Variants in FNDC3B observed in about 807,000 individuals in gnomAD.
FNDC3B encodes fibronectin type III domain-containing protein 3B.
A neutral mutation model predicts 151.5 loss-of-function variants in FNDC3B; 12 were observed. That is an observed-to-expected ratio of 0.08 (90% CI 0.05 to 0.13). The LOEUF (loss-of-function observed/expected upper bound fraction) is 0.13. Among genes scored for constraint, FNDC3B ranks in the 10% least tolerant of loss-of-function variants. The pLI, the probability that FNDC3B is intolerant of heterozygous loss-of-function variation, is 1.00. For missense variants in FNDC3B, 1,214 were observed against 1,505.3 expected, an observed-to-expected ratio of 0.81 and a Z score of 3.20; for synonymous variants, 528 against 549.0, an observed-to-expected ratio of 0.96 and a Z score of 0.54.
In FNDC3B at chr3:172,377,295, T is replaced by C. The variant is rs574089239; in HGVS notation, c.3009-975T>C. Among the ~76,000 whole-genome samples the C allele has an allele frequency of 9.8e-5, 15 of 152,354 alleles. No individual in the cohort carries two copies. In the South Asian group the frequency reaches 3.1e-3, roughly 32 times the overall value. ...AAGGCGTTGTGGTTGGATTAACTTATGTAGTGGTTCTCAGCGTGTCCACTG... is the reference window on the plus strand; with the variant it reads ...AAGGCGTTGTGGTTGGATTAACTTACGTAGTGGTTCTCAGCGTGTCCACTG... On this transcript the variant is annotated intron_variant, in intron 23 of 25. Transcript: ENST00000415807.
intron 23 of FNDC3B, among the ~76,000 whole-genome samples, chr3:172,374,905 T>C (rs1735059401): frequency 6.6e-6 from 1 of 152,204 alleles, no homozygotes; most frequent in African/African-American, 2.4e-5. Context: ...TAGAAGAAGT[T>C]TAACTAGAAT....
At chr3:172,284,384 G>T (rs1453177156) in intron 6 of FNDC3B, among the ~76,000 whole-genome samples, 4 of 152,130 alleles carry the variant, frequency 2.6e-5, no homozygotes, top group Non-Finnish European at 5.9e-5. Context: ...GGACCCTGTG[G>T]TGTCTCTGTC....
intron 3 of FNDC3B, among the ~76,000 whole-genome samples, chr3:172,176,662 G>A (rs1723611422): frequency 6.6e-6 from 1 of 152,188 alleles, no homozygotes. Context: ...GGAAAGTGCT[G>A]TAGGAACCCT....
At chr3:172,045,504 A>G (rs961820405) in intron 1 of FNDC3B, among the ~76,000 whole-genome samples, 1 of 152,232 alleles carries the variant, frequency 6.6e-6, no homozygotes, top group African/African-American at 2.4e-5. Context: ...ATGTTACCTT[A>G]GCCTATTACT....
At chr3:172,296,743 C>T (rs1030997696) in intron 8 of FNDC3B, among the ~76,000 whole-genome samples, 1 of 152,184 alleles carries the variant, frequency 6.6e-6, no homozygotes, top group African/African-American at 2.4e-5. Context: ...ATGCAATTGA[C>T]CCTTGAACAA....
At chr3:172,374,015 T>C (rs1735003878) in intron 23 of FNDC3B, among the ~76,000 whole-genome samples, 1 of 152,254 alleles carries the variant, frequency 6.6e-6, no homozygotes, top group African/African-American at 2.4e-5. Context: ...AACAGTTATC[T>C]GAGGCCTGCT....
intron 16 of FNDC3B, among the ~76,000 whole-genome samples, chr3:172,340,373 C>A (rs1337454806): frequency 6.6e-6 from 1 of 151,538 alleles, no homozygotes; most frequent in Non-Finnish European, 1.5e-5. Flanking sequence ...GCAACCTCTG[C>A]CTCCTGGGTT....
At chr3:172,124,307 T>G (rs1720699980) in intron 2 of FNDC3B, among the ~76,000 whole-genome samples, 1 of 152,222 alleles carries the variant, frequency 6.6e-6, no homozygotes, top group Non-Finnish European at 1.5e-5. Context: ...GCCAGTCTGG[T>G]CTCGAAGTCC....
intron 6 of FNDC3B, among the ~76,000 whole-genome samples, chr3:172,275,301 A>G (rs1729379404): frequency 6.6e-6 from 1 of 151,982 alleles, no homozygotes; most frequent in Non-Finnish European, 1.5e-5. Flanking sequence ...TTTCATTCTG[A>G]GGGGGGGAAA....
intron 1 of FNDC3B, among the ~76,000 whole-genome samples, chr3:172,107,953 A>AGG (rs1719742121): frequency 6.6e-6 from 1 of 152,166 alleles, no homozygotes; most frequent in South Asian, 2.1e-4. Context: ...GCGGATCACA[A>AGG]GGTCAGGAGT....
At chr3:172,345,600 CTT>C (rs1733572364) in intron 19 of FNDC3B, among the ~76,000 whole-genome samples, 2 of 152,088 alleles carry the variant, frequency 1.3e-5, no homozygotes, top group Admixed American at 1.3e-4. Flanking sequence ...TCCCCGCCGT[CTT>C]TTTTCTCTCA....
intron 1 of FNDC3B, among the ~76,000 whole-genome samples, chr3:172,092,156 A>C (rs1718869117): frequency 2.0e-5 from 3 of 152,132 alleles, no homozygotes; most frequent in Admixed American, 1.3e-4. Context: ...AAGAACAGCA[A>C]ACCTCCTATG....
chr3:172,308,858 T>G (rs79687612), intron 10 of FNDC3B, among the ~76,000 whole-genome samples: 1 of 152,292 alleles, frequency 6.6e-6, no homozygotes, highest in East Asian at 1.9e-4. Flanking sequence ...CACATACATA[T>G]GTAAATATAT....
chr3:172,207,871 C>T (rs557188705), intron 3 of FNDC3B, among the ~76,000 whole-genome samples: 65 of 152,204 alleles, frequency 4.3e-4, no homozygotes, highest in African/African-American at 1.4e-3. Flanking sequence ...CACTTGAATC[C>T]GAGAGAAGGA....
chr3:172,227,892 A>G (rs539596865), intron 4 of FNDC3B, among the ~76,000 whole-genome samples: 1 of 152,282 alleles, frequency 6.6e-6, no homozygotes, highest in South Asian at 2.1e-4. Flanking sequence ...TCAGTTTTTA[A>G]TGATTCTGCT....
intron 6 of FNDC3B, among the ~76,000 whole-genome samples, chr3:172,255,346 G>GAGGT (rs1728278130): frequency 6.6e-6 from 1 of 152,054 alleles, no homozygotes; most frequent in African/African-American, 2.4e-5. Flanking sequence ...TCAGCTCACT[G>GAGGT]CAACCTCTGC....
At position 172,252,171 on chromosome 3, in the gene FNDC3B, A is replaced by C. The variant is rs564710177; in HGVS notation, c.790+630A>C. The stretch of plus-strand genomic sequence containing the variant: ...TGGGTAGATCAGTTCATTTGGAGGA[A>C]GGTTTATGTGTTTAAATGAAGTTTT... On this transcript the variant is annotated intron_variant, in intron 6 of 25. Coordinates refer to ENST00000415807, the MANE Select transcript of FNDC3B (RefSeq NM_022763.4). 7.5e-4 allele frequency among the ~76,000 whole-genome samples: 114 copies of C among 152,244 alleles called. 1 individual carries two copies. The highest frequency in any genetic ancestry group is 2.7e-3 in the African/African-American group (111 of 41,556).
At chr3:172,183,973 ACCT>A (rs1462374882) in intron 3 of FNDC3B, among the ~76,000 whole-genome samples, 2 of 152,148 alleles carry the variant, frequency 1.3e-5, no homozygotes, top group Non-Finnish European at 2.9e-5. Flanking sequence ...TAGATGTGTA[ACCT>A]CCTCCTGATC....
chr3:172,173,378 A>G (rs1275955662), intron 3 of FNDC3B, among the ~76,000 whole-genome samples: 1 of 152,220 alleles, frequency 6.6e-6, no homozygotes, highest in Admixed American at 6.5e-5. Context: ...AGACTTCTCT[A>G]TGAAGTTACA....
Sources: allele counts gnomAD v4.1 joint callset (sites outside exome capture counted in the v4.1 genomes callset), GRCh38; gene constraint gnomAD v4.1.1; transcripts MANE v1.5; gene names NCBI Gene and HGNC (gene_info 2026-07-23, HGNC 2026-07-21).